TBL1XR1: variants seen among roughly 807,000 people sequenced by gnomAD.
TBL1XR1 encodes the protein TBL1X/Y related 1, also known as F-box-like/WD repeat-containing protein TBL1XR1.
TBL1XR1 carries 5 observed loss-of-function variants against 66.9 expected under a neutral mutation model. The observed-to-expected ratio is 0.07, with a 90% CI of 0.04 to 0.16. The LOEUF is 0.16. Ranked by LOEUF, TBL1XR1 falls within the 10% of genes least tolerant of loss-of-function variation. The probability of loss-of-function intolerance (pLI) is 1.00; values close to 1 mark genes in which losing one functional copy is unlikely to be tolerated. For missense variants in TBL1XR1, 238 were observed against 623.2 expected, an observed-to-expected ratio of 0.38 and a Z score of 6.58; for synonymous variants, 210 against 206.0, an observed-to-expected ratio of 1.02 and a Z score of -0.17.
intron 5 of TBL1XR1, 141 bp from the exon 6 acceptor site, chr3:177,050,751 G>A (rs1716954456): frequency 3.1e-6 from 2 of 649,580 alleles, no homozygotes; most frequent in South Asian, 4.0e-5. Context: ...AGCTGAACAT[G>A]ACTACACAGT....
chr3:177,025,651 A>C (rs1234155061), intron 15 of TBL1XR1, 127 bp from the exon 16 acceptor site: 1 of 862,278 alleles, frequency 1.2e-6, no homozygotes, highest in Non-Finnish European at 1.8e-6. Flanking sequence ...AAAGCATAAT[A>C]ATCATGGAAA....
At chr3:177,118,217 T>A (rs1726546565) in intron 1 of TBL1XR1, among the ~76,000 whole-genome samples, 1 of 152,230 alleles carries the variant, frequency 6.6e-6, no homozygotes, top group Non-Finnish European at 1.5e-5. Context: ...TATTTCAAAA[T>A]CACTCGATCT....
At chr3:177,126,645 C>A (rs1727665473) in intron 1 of TBL1XR1, among the ~76,000 whole-genome samples, 1 of 152,200 alleles carries the variant, frequency 6.6e-6, no homozygotes, top group African/African-American at 2.4e-5. Context: ...TTCAGCTATT[C>A]ACATTCAAGA....
chr3:177,173,080 C>T (rs530039758), intron 1 of TBL1XR1, among the ~76,000 whole-genome samples: 1 of 152,096 alleles, frequency 6.6e-6, no homozygotes, highest in East Asian at 1.9e-4. Context: ...CCAGCTACTC[C>T]GCAGTCTGAG....
intron 1 of TBL1XR1, among the ~76,000 whole-genome samples, chr3:177,133,452 T>A (rs1577263792): frequency 6.6e-6 from 1 of 152,304 alleles, no homozygotes; most frequent in East Asian, 1.9e-4. Flanking sequence ...TTACACCAGG[T>A]GTGTGCCCAA....
chr3:177,071,489 G>A (rs1202744304), intron 2 of TBL1XR1, among the ~76,000 whole-genome samples: 1 of 152,114 alleles, frequency 6.6e-6, no homozygotes, highest in Admixed American at 6.6e-5. Context: ...TGTGTCCATG[G>A]ATTGGTTATA....
intron 12 of TBL1XR1, chr3:177,037,887 T>G (rs1341218471): frequency 2.0e-6 from 1 of 505,586 alleles, no homozygotes; most frequent in Non-Finnish European, 3.6e-6. Flanking sequence ...GCCATCATTT[T>G]AATATAATTT....
intron 1 of TBL1XR1, among the ~76,000 whole-genome samples, chr3:177,156,878 G>A (rs1464524633): frequency 1.3e-5 from 2 of 152,108 alleles, no homozygotes; most frequent in African/African-American, 4.8e-5. Context: ...TTCAAGGAGG[G>A]ACAAGTCAAG....
intron 3 of TBL1XR1, among the ~76,000 whole-genome samples, chr3:177,057,005 T>C (rs1467335329): frequency 2.6e-5 from 4 of 152,228 alleles, no homozygotes; most frequent in African/African-American, 9.6e-5. Context: ...GAATTTTCAA[T>C]GATCCCCTTG....
At chr3:177,137,971 A>G (rs1300577035) in intron 1 of TBL1XR1, among the ~76,000 whole-genome samples, 1 of 152,102 alleles carries the variant, frequency 6.6e-6, no homozygotes, top group Non-Finnish European at 1.5e-5. Context: ...CCCTGTCTCA[A>G]AGATAAAATG....
intron 1 of TBL1XR1, among the ~76,000 whole-genome samples, chr3:177,112,094 T>TAC (rs1725674491): frequency 2.0e-5 from 1 of 49,090 alleles, no homozygotes; most frequent in African/African-American, 1.4e-4. Flanking sequence ...TATATATATA[T>TAC]ATATATATAT....
chr3:177,189,051 CA>C (rs1440669883), intron 1 of TBL1XR1, among the ~76,000 whole-genome samples: 1 of 151,350 alleles, frequency 6.6e-6, no homozygotes, highest in Admixed American at 6.6e-5. Context: ...ACTAAAAATA[CA>C]AAAAAATTAG....
intron 1 of TBL1XR1, among the ~76,000 whole-genome samples, chr3:177,169,225 C>T (rs1486385568): frequency 6.6e-6 from 1 of 152,154 alleles, no homozygotes; most frequent in Non-Finnish European, 1.5e-5. Context: ...ATACCAATTT[C>T]TTTAGATTTT....
intron 1 of TBL1XR1, among the ~76,000 whole-genome samples, chr3:177,119,591 GAACA>G (rs544272358): frequency 7.9e-5 from 12 of 152,292 alleles, no homozygotes; most frequent in Admixed American, 1.3e-4. Flanking sequence ...GAAATTTGCT[GAACA>G]AACAGTGACC....
At chr3:177,180,803 C>G (rs1734730102) in intron 1 of TBL1XR1, among the ~76,000 whole-genome samples, 1 of 151,754 alleles carries the variant, frequency 6.6e-6, no homozygotes, top group Non-Finnish European at 1.5e-5. Flanking sequence ...ATGACATGAT[C>G]TCAGCTCCCT....
chr3:177,197,712 G>A (rs866956352), upstream of TBL1XR1, among the ~76,000 whole-genome samples: 2 of 145,508 alleles, frequency 1.4e-5, no homozygotes, highest in Admixed American at 1.4e-4. Flanking sequence ...CGGCGCGGCG[G>A]GGGGGCTCCA....
chr3:177,189,422 G>A (rs1369398602), intron 1 of TBL1XR1, among the ~76,000 whole-genome samples: 3 of 151,774 alleles, frequency 2.0e-5, no homozygotes, highest in African/African-American at 4.8e-5. Context: ...GGAGGCCAAG[G>A]TGGGTGGATC....
intron 1 of TBL1XR1, among the ~76,000 whole-genome samples, chr3:177,120,492 C>CT (rs1726858358): frequency 6.6e-6 from 1 of 152,190 alleles, no homozygotes; most frequent in Admixed American, 6.5e-5. Context: ...CTTCCTCACT[C>CT]TAACATTATT....
At chr3:177,162,977 A>C (rs1732403192) in intron 1 of TBL1XR1, among the ~76,000 whole-genome samples, 1 of 152,342 alleles carries the variant, frequency 6.6e-6, no homozygotes, top group African/African-American at 2.4e-5. Flanking sequence ...CTGTGAAGTC[A>C]GTCTGGCAGT....
Sources: gnomAD v4.1 joint callset for allele counts (sites outside exome capture counted in the v4.1 genomes callset) on GRCh38, gnomAD v4.1.1 for gene constraint, MANE v1.5 for transcripts, NCBI Gene and HGNC (gene_info 2026-07-23, HGNC 2026-07-21) for gene names.